CADM3: variants seen among roughly 807,000 people sequenced by gnomAD.
The protein encoded by CADM3 is TSLC1-like 1.
In CADM3, 11 loss-of-function variants were observed where a neutral mutation model predicts 44.9. The observed-to-expected ratio is 0.25, with a 90% CI of 0.15 to 0.41. The LOEUF (loss-of-function observed/expected upper bound fraction) is 0.41. Among genes scored for constraint, CADM3 ranks in the 10% least tolerant of loss-of-function variants. The probability of loss-of-function intolerance (pLI) is 1.00; values close to 1 mark genes in which losing one functional copy is unlikely to be tolerated. For missense variants in CADM3, 426 were observed against 512.0 expected, an observed-to-expected ratio of 0.83 and a Z score of 1.62; for synonymous variants, 207 against 205.2, an observed-to-expected ratio of 1.01 and a Z score of -0.08.
At position 159,196,891 on chromosome 1, in the gene CADM3, C is replaced by A. The variant is rs149370954; in HGVS notation, c.783C>A (p.Val261=). 64 of 1,613,728 alleles carry A rather than the reference C, an allele frequency of 4.0e-5. No homozygotes were observed. The Middle Eastern group carries it at 6.6e-4, about 17-fold the overall frequency. ...LLHCEGRGNP[V]PQQYLWEKEG... ...TCTTCTGATTTGTCTGCCTCGACAG[C>A]CCCCAGCAGTACCTATGGGAGAAGG... is the stretch of plus-strand genomic sequence containing the variant. Residue 261 remains valine (V), a splice_region_variant and synonymous_variant, in exon 7 of 9, where the codon GTC becomes GTA. Transcript: ENST00000368125.
chr1:159,179,695 A>G (rs1649156346), intron 1 of CADM3, among the ~76,000 whole-genome samples: 1 of 152,180 alleles, frequency 6.6e-6, no homozygotes, highest in South Asian at 2.1e-4. Context: ...TAAGTATATC[A>G]ATGAGAGGTA....
At chr1:159,186,491 AC>A (rs1297187015) in intron 1 of CADM3, among the ~76,000 whole-genome samples, 3 of 152,038 alleles carry the variant, frequency 2.0e-5, no homozygotes, top group Non-Finnish European at 2.9e-5. Context: ...CATTCAGAGT[AC>A]TCCTAAGTTT....
intron 1 of CADM3, among the ~76,000 whole-genome samples, chr1:159,172,343 T>A (rs1226785001): frequency 6.6e-6 from 1 of 152,100 alleles, no homozygotes; most frequent in Non-Finnish European, 1.5e-5. Flanking sequence ...AACTGCTGTA[T>A]GCAAACATTT....
At chr1:159,200,567 G>T (rs927431143) in intron 8 of CADM3, among the ~76,000 whole-genome samples, 5 of 150,834 alleles carry the variant, frequency 3.3e-5, no homozygotes, top group Non-Finnish European at 5.9e-5. Context: ...TCTCTTTCTT[G>T]CTTTGTATTA....
At position 159,196,383 on chromosome 1, in the gene CADM3, T is replaced by C; in HGVS notation, c.711T>C (p.Ile237=). 2 of 1,614,118 alleles carry C rather than the reference T, an allele frequency of 1.2e-6. No individual in the cohort carries two copies. Among genetic ancestry groups the C allele is most frequent in the African/African-American group, 1.3e-5 (1 of 75,018 alleles). ...CCACAGACACACCAACTGCGATGAT[T>C]AGGCCAGACCCTCCCCATCCTCGTG... is the stretch of plus-strand genomic sequence containing the variant. ...IEVLYTPTAM[I]RPDPPHPREG... is the part of the protein sequence containing the mutation. The change falls in exon 6 of 9, where the codon ATT becomes ATC. Residue 237 remains isoleucine, a synonymous_variant. Coordinates refer to ENST00000368125, the MANE Select transcript of CADM3 (RefSeq NM_001127173.3).
rs958613663 is a variant in CADM3 at position 159,201,424 on chromosome 1, G to C, written c.*502G>C. 1 of 152,304 alleles carries C rather than the reference G, an allele frequency of 6.6e-6. No homozygotes were observed. Among genetic ancestry groups the C allele is most frequent in the Non-Finnish European group, 1.5e-5 (1 of 68,152 alleles). The allele number at this position is 152,304 out of a possible 1,614,324, so 9.4% of individuals were successfully genotyped here. A position where few individuals can be genotyped will look rare whatever the true frequency, so the allele number is the denominator to read the frequency against. On this transcript the variant is annotated 3_prime_UTR_variant, in exon 9 of 9. Coordinates refer to ENST00000368125, the MANE Select transcript of CADM3 (RefSeq NM_001127173.3). ...GGAACCCAGAAACGGGATGGTTGTC[G>C]GCAAAGGTTGGGAGTGGCTTTTCCT...
At chr1:159,183,900 A>G (rs562444377) in intron 1 of CADM3, among the ~76,000 whole-genome samples, 1 of 152,324 alleles carries the variant, frequency 6.6e-6, no homozygotes, top group South Asian at 2.1e-4. Flanking sequence ...ACTTCAGTAG[A>G]TGTGACATCG....
At chr1:159,192,833 A>C (rs1649730835) in intron 3 of CADM3, 103 bp downstream of exon 3, 1 of 1,234,498 alleles carries the variant, frequency 8.1e-7, no homozygotes, top group African/African-American at 1.5e-5. Context: ...GTCTCCAAGC[A>C]CTTTAGGAAA....
chr1:159,189,277 T>C (rs141365770), intron 1 of CADM3, among the ~76,000 whole-genome samples: 106 of 152,378 alleles, frequency 7.0e-4, no homozygotes, highest in Middle Eastern at 6.8e-3. Context: ...GTACTTATTT[T>C]ACAGGTTTAT....
Position 159,194,033 on chromosome 1 carries a change from A to G in CADM3, c.684A>G (p.Glu228=). The G allele has an allele frequency of 6.2e-7, 1 of 1,612,974 alleles. No individual in the cohort carries two copies. The highest frequency in any genetic ancestry group is 8.5e-7 in the Non-Finnish European group (1 of 1,179,124). Residue 228 remains glutamate, a synonymous_variant, in exon 5 of 9, where the codon GAA becomes GAG. Transcript: ENST00000368125. Reference sequence around the variant, plus strand: ...ACAGATCCACCTCTCAACGCATTGAAGTTTTATGTATGTCATGGGCTTGGG... The same window carrying G: ...ACAGATCCACCTCTCAACGCATTGAGGTTTTATGTATGTCATGGGCTTGGG... The part of the protein sequence containing the change: ...GADRSTSQRI[E]VLYTPTAMIR...
intron 1 of CADM3, among the ~76,000 whole-genome samples, chr1:159,173,127 C>G (rs1229286340): frequency 6.7e-6 from 1 of 150,082 alleles, no homozygotes; most frequent in Admixed American, 6.7e-5. Context: ...TATGCCCGGC[C>G]AGATGCCAAC....
intron 5 of CADM3, chr1:159,194,638 G>A (rs1649815770): frequency 6.6e-6 from 1 of 152,246 alleles, no homozygotes; most frequent in South Asian, 2.1e-4. Context: ...ATGGGTGGTA[G>A]GAAAGCACAG....
intron 1 of CADM3, among the ~76,000 whole-genome samples, chr1:159,179,099 C>T (rs1649133616): frequency 6.6e-6 from 1 of 152,174 alleles, no homozygotes; most frequent in African/African-American, 2.4e-5. Flanking sequence ...TGTCTCCCAT[C>T]TACTCATCTT....
intron 5 of CADM3, chr1:159,194,840 T>G (rs1649824549): frequency 6.6e-6 from 1 of 152,138 alleles, no homozygotes; most frequent in Non-Finnish European, 1.5e-5. Context: ...CTGAGGAAGT[T>G]TGGAAACGGG....
chr1:159,182,605 G>A (rs1649276336), intron 1 of CADM3, among the ~76,000 whole-genome samples: 1 of 152,104 alleles, frequency 6.6e-6, no homozygotes. Flanking sequence ...ATCATAGAGG[G>A]GAGAATATTT....
chr1:159,189,501 T>C (rs903427195), intron 1 of CADM3, among the ~76,000 whole-genome samples: 2 of 152,214 alleles, frequency 1.3e-5, no homozygotes, highest in Non-Finnish European at 2.9e-5. Context: ...GATGAACTCT[T>C]AAGATCTCTT....
chr1:159,193,262 CAG>C (rs1649745089), intron 3 of CADM3, among the ~76,000 whole-genome samples, 159 bp from the exon 4 acceptor site: 1 of 152,182 alleles, frequency 6.6e-6, no homozygotes, highest in Non-Finnish European at 1.5e-5. Context: ...TTCTGGTCCT[CAG>C]GGAGGAGATC....
chr1:159,181,886 C>T (rs1365181308), intron 1 of CADM3, among the ~76,000 whole-genome samples: 1 of 152,162 alleles, frequency 6.6e-6, no homozygotes, highest in Non-Finnish European at 1.5e-5. Flanking sequence ...CCCCCTCAGC[C>T]TACCACAAGC....
intron 1 of CADM3, among the ~76,000 whole-genome samples, chr1:159,186,434 A>T (rs1649421027): frequency 6.6e-6 from 1 of 152,206 alleles, no homozygotes; most frequent in Admixed American, 6.5e-5. Flanking sequence ...TCTCAATGAC[A>T]GAAGCTCCTT....
Sources: gnomAD v4.1 joint callset for allele counts (sites outside exome capture counted in the v4.1 genomes callset) on GRCh38, gnomAD v4.1.1 for gene constraint, MANE v1.5 for transcripts, NCBI Gene and HGNC (gene_info 2026-07-23, HGNC 2026-07-21) for gene names.